Variants in NTN1 observed in about 807,000 individuals in gnomAD.
NTN1 encodes the protein netrin 1.
Under a neutral mutation model 54.2 loss-of-function variants are expected in NTN1, and 11 were observed. The ratio of observed to expected loss-of-function variants is 0.20; its 90% CI spans 0.13 to 0.34. The LOEUF (loss-of-function observed/expected upper bound fraction) is 0.34, where lower values mean the gene tolerates loss of function less well. Among genes scored for constraint, NTN1 ranks in the 10% least tolerant of loss-of-function variants. The probability of loss-of-function intolerance (pLI) is 1.00; values close to 1 mark genes in which losing one functional copy is unlikely to be tolerated. For synonymous variants in NTN1, 371 were observed against 382.0 expected, an observed-to-expected ratio of 0.97 and a Z score of 0.33; for missense variants, 740 against 893.1, an observed-to-expected ratio of 0.83 and a Z score of 2.18.
At chr17:9,012,156 G>A in the NTN1 span, among the ~76,000 whole-genome samples, 1 of 152,228 alleles carries the variant, frequency 6.6e-6, no homozygotes, top group Admixed American at 6.5e-5. Flanking sequence ...GCAAGGCCCT[G>A]CTTGGTCTAG....
At chr17:9,021,451 T>C (rs928909777), upstream of NTN1, 1 of 150,088 alleles carries the variant, frequency 6.7e-6, no homozygotes, top group Non-Finnish European at 1.5e-5. Flanking sequence ...GCGGACGTTA[T>C]TGGCCGGCGC....
Position 9,022,874 on chromosome 17 carries a change from C to T in NTN1, c.501C>T (p.Tyr167=). ...ESMAIYKSMD[Y]GRTWVPFQFY... ...TGGCCATCTACAAGTCCATGGACTA[C>T]GGGCGCACGTGGGTGCCCTTCCAGT... Residue 167 remains tyrosine (Y), a synonymous_variant, in exon 2 of 7, where the codon TAC becomes TAT. Coordinates refer to ENST00000173229, the MANE Select transcript of NTN1 (RefSeq NM_004822.3). The T allele has an allele frequency of 6.2e-7, 1 of 1,612,162 alleles. No individual in the cohort carries two copies. Among genetic ancestry groups the T allele is most frequent in the Non-Finnish European group, 8.5e-7 (1 of 1,179,854 alleles).
chr17:9,222,758 T>A (rs1905403188), intron 6 of NTN1, among the ~76,000 whole-genome samples: 1 of 152,184 alleles, frequency 6.6e-6, no homozygotes, highest in African/African-American at 2.4e-5. Flanking sequence ...CTGGGCCAGC[T>A]GCTTGAACAA....
At chr17:9,141,662 T>A (rs1193223774) in intron 2 of NTN1, among the ~76,000 whole-genome samples, 2 of 151,416 alleles carry the variant, frequency 1.3e-5, no homozygotes, top group Admixed American at 1.3e-4. Context: ...TTAACTAGGA[T>A]AGGAGTTGGG....
chr17:9,098,326 C>T (rs907008560), intron 2 of NTN1, among the ~76,000 whole-genome samples: 1 of 152,212 alleles, frequency 6.6e-6, no homozygotes, highest in African/African-American at 2.4e-5. Flanking sequence ...TCCAGCAGTG[C>T]CTGCAGCCAG....
chr17:9,146,837 A>T (rs937788092), intron 2 of NTN1, among the ~76,000 whole-genome samples: 2 of 152,102 alleles, frequency 1.3e-5, no homozygotes, highest in African/African-American at 2.4e-5. Flanking sequence ...AGAGCCAGCG[A>T]GGCACTGGGG....
chr17:9,142,032 C>T (rs966695866), intron 2 of NTN1, among the ~76,000 whole-genome samples: 2 of 152,110 alleles, frequency 1.3e-5, no homozygotes, highest in African/African-American at 4.8e-5. Context: ...GAGGCTGAGG[C>T]AGGAGAATCG....
intron 5 of NTN1, among the ~76,000 whole-genome samples, chr17:9,208,880 C>A (rs1905031716): frequency 6.6e-6 from 1 of 152,236 alleles, no homozygotes; most frequent in African/African-American, 2.4e-5. Flanking sequence ...CACACCAACC[C>A]ATTTTCCTGT....
chr17:9,022,323 G>A lies in NTN1; in HGVS notation c.-51G>A. The A allele has an allele frequency of 7.9e-7, 1 of 1,264,326 alleles. No homozygotes were observed. The highest frequency in any genetic ancestry group is 9.9e-7 in the Non-Finnish European group (1 of 1,009,950). The allele number at this position is 1,264,326 out of a possible 1,614,324, so 78.3% of individuals were successfully genotyped here. A position where few individuals can be genotyped will look rare whatever the true frequency, so the allele number is the denominator to read the frequency against. ...CTTCTCTCCGCAGGCGCCTTCTGCG[G>A]CAGGCGGACAGATCCTCGGCGCGGC... On this transcript the variant is annotated 5_prime_UTR_variant, in exon 2 of 7. Coordinates refer to ENST00000173229, the MANE Select transcript of NTN1 (RefSeq NM_004822.3).
chr17:9,137,826 C>T (rs115785711), intron 2 of NTN1, among the ~76,000 whole-genome samples: 17,448 of 152,070 alleles, frequency 0.11, 2,077 homozygotes, highest in African/African-American at 0.3. Context: ...TGACGGGCAT[C>T]TTGGGTACTT....
At chr17:9,183,173 TGGA>T in intron 5 of NTN1, 1 of 688,758 alleles carries the variant, frequency 1.5e-6, no homozygotes, top group South Asian at 1.6e-5. Flanking sequence ...GAGAATCAAA[TGGA>T]GGAGATTTTA....
chr17:9,215,880 G>C (rs183814675), intron 5 of NTN1, among the ~76,000 whole-genome samples: 1 of 152,130 alleles, frequency 6.6e-6, no homozygotes, highest in African/African-American at 2.4e-5. Context: ...TCTAAATTTT[G>C]TAAGAGTTTC....
chr17:9,010,232 C>G, the NTN1 span, among the ~76,000 whole-genome samples: 2 of 152,200 alleles, frequency 1.3e-5, no homozygotes, highest in African/African-American at 4.8e-5. Context: ...ATGAAGAACT[C>G]CTGGGGTCCC....
chr17:9,028,832 C>T (rs931974411), intron 2 of NTN1, among the ~76,000 whole-genome samples: 1 of 152,248 alleles, frequency 6.6e-6, no homozygotes, highest in Non-Finnish European at 1.5e-5. Flanking sequence ...ACGGTGTCTG[C>T]AATGCACACT....
At chr17:9,113,484 G>A (rs1366510973) in intron 2 of NTN1, among the ~76,000 whole-genome samples, 1 of 152,166 alleles carries the variant, frequency 6.6e-6, no homozygotes, top group Non-Finnish European at 1.5e-5. Flanking sequence ...TTGATAGAAT[G>A]TGAATACCAC....
chr17:9,084,601 C>A (rs189143504), intron 2 of NTN1, among the ~76,000 whole-genome samples: 1 of 151,196 alleles, frequency 6.6e-6, no homozygotes, highest in Admixed American at 6.6e-5. Context: ...GGACATTCCA[C>A]AGCCTTCCTG....
intron 2 of NTN1, among the ~76,000 whole-genome samples, chr17:9,158,706 GT>G (rs1277431164): frequency 6.0e-4 from 92 of 152,302 alleles, no homozygotes; most frequent in Non-Finnish European, 1.1e-3. Context: ...TGTCACCCTT[GT>G]CTGGCAGAGT....
rs114355634 is a variant in NTN1, at chr17:9,202,652, T to C, written c.1412-18516T>C. Among the ~76,000 whole-genome samples, 1,482 of 152,326 alleles carry C rather than the reference T, an allele frequency of 9.7e-3. 23 individuals carry two copies. Among genetic ancestry groups the C allele is most frequent in the Middle Eastern group, 0.041 (12 of 294 alleles). ...CCAGAAACCTGAGACACATTATTCA[T>C]TGAAATGCCACAAAACTGTAAAAAA... On this transcript the variant is annotated intron_variant, in intron 5 of 6. Transcript: ENST00000173229.
At chr17:9,132,909 A>T (rs1025868819) in intron 2 of NTN1, among the ~76,000 whole-genome samples, 1 of 152,076 alleles carries the variant, frequency 6.6e-6, no homozygotes, top group African/African-American at 2.4e-5. Context: ...CACACTGATA[A>T]TACCAAATTC....
Sources: allele counts gnomAD v4.1 joint callset (sites outside exome capture counted in the v4.1 genomes callset), GRCh38; gene constraint gnomAD v4.1.1; transcripts MANE v1.5; gene names NCBI Gene and HGNC (gene_info 2026-07-23, HGNC 2026-07-21).